The following ANKRD26 variants were observed in gnomAD, a reference collection of about 807,000 sequenced individuals.
The protein encoded by ANKRD26 is ankyrin repeat domain 26.
In ANKRD26, 141 loss-of-function variants were observed where a neutral mutation model predicts 208.7. The ratio of observed to expected loss-of-function variants is 0.68; its 90% CI spans 0.59 to 0.78. ANKRD26 has a LOEUF of 0.78. ANKRD26 is among the 30% of genes least tolerant of loss of function. The pLI, the probability that ANKRD26 is intolerant of heterozygous loss-of-function variation, is 0.00. For missense variants in ANKRD26, 1,889 were observed against 1,938.7 expected (o/e 0.97, Z 0.48); for synonymous variants, 636 against 660.4 (o/e 0.96, Z 0.57).
intron 9 of ANKRD26, among the ~76,000 whole-genome samples, chr10:27,071,158 C>CTT (rs1564411968): frequency 2.6e-4 from 33 of 128,714 alleles, no homozygotes; most frequent in East Asian, 1.2e-3. Flanking sequence ...TTGCTACATT[C>CTT]ATTTTTTTTT....
At chr10:26,969,762 T>C (rs2052116577), downstream of ANKRD26, among the ~76,000 whole-genome samples, 2 of 152,148 alleles carry the variant, frequency 1.3e-5, no homozygotes, top group Non-Finnish European at 2.9e-5. Context: ...TTTCAGATTA[T>C]GTTGGCTCAT....
chr10:26,973,828 ATTT>A (rs1245241025), downstream of ANKRD26, among the ~76,000 whole-genome samples: 1 of 149,434 alleles, frequency 6.7e-6, no homozygotes, highest in South Asian at 2.1e-4. Context: ...TAATTTTTGT[ATTT>A]TTTTTAGTAG....
intron 17 of ANKRD26, among the ~76,000 whole-genome samples, chr10:27,047,700 A>ACT (rs201318127): frequency 0.063 from 8,116 of 128,462 alleles, 446 homozygotes; most frequent in East Asian, 0.27. Context: ...AAACTGTAAT[A>ACT]ATACTACTAC....
chr10:27,002,506 G>A (rs960127021), downstream of ANKRD26, among the ~76,000 whole-genome samples: 1 of 152,136 alleles, frequency 6.6e-6, no homozygotes, highest in East Asian at 1.9e-4. Flanking sequence ...TTAGAGTGAG[G>A]GTGGGTGTAT....
At position 27,035,371 on chromosome 10, in the gene ANKRD26, T is replaced by C. The variant is rs1490408245; in HGVS notation, c.3079A>G (p.Lys1027Glu). ...IHDRDQSETS[K>E]RELELAFQRA... ...TGGAAAGCAAGTTCTAGTTCTCTTT[T>C]TGATGTCTCACTTTGATCACGATCA... The change falls in exon 24 of 34, where the codon AAA (lysine) becomes GAA (glutamate). Residue 1027 changes from lysine (K) to glutamate (E), a missense_variant. Physicochemically the swap from Lys to Glu is moderately conservative, Grantham distance 56 (BLOSUM62 1). This residue lies in a region of ANKRD26 where 1,272 missense variants were observed against 1,273.8 expected (regional missense o/e 1.00). Coordinates refer to ENST00000376087, the MANE Select transcript of ANKRD26 (RefSeq NM_014915.3). 1.2e-6 allele frequency: 2 copies of C among 1,614,016 alleles called. No homozygotes were observed. Among genetic ancestry groups the C allele is most frequent in the East Asian group, 4.5e-5 (2 of 44,868 alleles).
chr10:27,032,234 C>A (rs960014918), intron 25 of ANKRD26, among the ~76,000 whole-genome samples: 2 of 152,160 alleles, frequency 1.3e-5, no homozygotes, highest in Admixed American at 1.3e-4. Flanking sequence ...TGCGGTGGCT[C>A]ACATCTGTAA....
intron 20 of ANKRD26, 91 bp from the exon 21 acceptor site, chr10:27,040,269 C>A: frequency 1.1e-6 from 1 of 924,176 alleles, no homozygotes; most frequent in South Asian, 1.5e-5. Flanking sequence ...AAGACACTGA[C>A]CAATTACATA....
chr10:27,013,776 A>T (rs1257196132), intron 31 of ANKRD26, among the ~76,000 whole-genome samples: 1 of 152,220 alleles, frequency 6.6e-6, no homozygotes, highest in Non-Finnish European at 1.5e-5. Context: ...GGGGAAAAGA[A>T]GATAGCTGAG....
At chr10:27,015,222 G>A (rs959355164) in intron 30 of ANKRD26, among the ~76,000 whole-genome samples, 3 of 152,210 alleles carry the variant, frequency 2.0e-5, no homozygotes, top group African/African-American at 7.2e-5. Context: ...GTAAATTAAA[G>A]CAATCATCTG....
At chr10:27,033,532 T>C (rs971753346) in intron 24 of ANKRD26, among the ~76,000 whole-genome samples, 155 bp from the exon 25 acceptor site, 6 of 152,214 alleles carry the variant, frequency 3.9e-5, no homozygotes, top group East Asian at 1.9e-4. Flanking sequence ...TATGTACACA[T>C]TGCTGTTTAT....
downstream of ANKRD26, among the ~76,000 whole-genome samples, chr10:26,972,075 A>C (rs1442731695): frequency 6.6e-6 from 1 of 151,988 alleles, no homozygotes; most frequent in Non-Finnish European, 1.5e-5. Flanking sequence ...CTCTACTAAA[A>C]ATACAAAAAA....
chr10:26,960,766 CT>C, the ANKRD26 span, among the ~76,000 whole-genome samples: 1 of 152,148 alleles, frequency 6.6e-6, no homozygotes, highest in Non-Finnish European at 1.5e-5. Context: ...ATAACATTCA[CT>C]TGAGTAACAC....
At chr10:27,011,461 G>T (rs2053107826) in intron 32 of ANKRD26, among the ~76,000 whole-genome samples, 2 of 152,018 alleles carry the variant, frequency 1.3e-5, no homozygotes, top group African/African-American at 4.8e-5. Context: ...AGTCAAAAAT[G>T]GTCAAAAGTT....
intron 19 of ANKRD26, 36 bp from the exon 20 acceptor site, chr10:27,043,603 A>C (rs1159502017): frequency 6.3e-7 from 1 of 1,589,410 alleles, no homozygotes; most frequent in South Asian, 1.1e-5. Context: ...AAATGTCCCC[A>C]GAATATTTAT....
downstream of ANKRD26, among the ~76,000 whole-genome samples, chr10:26,971,111 T>C (rs1278564146): frequency 1.3e-5 from 2 of 152,124 alleles, no homozygotes; most frequent in African/African-American, 2.4e-5. Flanking sequence ...ACTGGCTGGG[T>C]GCAGTGGCTC....
chr10:26,994,015 G>C (rs1242896747), intron 5 of ANKRD26, among the ~76,000 whole-genome samples: 2 of 152,216 alleles, frequency 1.3e-5, no homozygotes, highest in African/African-American at 4.8e-5. Context: ...CTGGTGCCTG[G>C]TTCTGCATAA....
chr10:26,989,543 A>C (rs192171316), downstream of ANKRD26, among the ~76,000 whole-genome samples: 20 of 152,328 alleles, frequency 1.3e-4, no homozygotes, highest in African/African-American at 4.8e-4. Context: ...AGTGGGTCAC[A>C]TTTAGAGCCC....
chr10:27,063,042 G>A (rs937621318), intron 12 of ANKRD26, among the ~76,000 whole-genome samples: 2 of 152,090 alleles, frequency 1.3e-5, no homozygotes, highest in Admixed American at 1.3e-4. Flanking sequence ...ACAGGCGTGA[G>A]CCACCGTGCC....
At chr10:26,953,215 G>A in the ANKRD26 span, among the ~76,000 whole-genome samples, 107 of 152,068 alleles carry the variant, frequency 7.0e-4, no homozygotes, top group African/African-American at 2.4e-3. Flanking sequence ...ATTTGAGGCC[G>A]GGATATCGAG....
Sources: allele counts gnomAD v4.1 joint callset (sites outside exome capture counted in the v4.1 genomes callset), GRCh38; gene constraint gnomAD v4.1.1; regional missense constraint gnomAD v4.1.1; transcripts MANE v1.5; gene names NCBI Gene and HGNC (gene_info 2026-07-23, HGNC 2026-07-21).